CYP4F11: variants seen among roughly 807,000 people sequenced by gnomAD.
CYP4F11 encodes the protein cytochrome P450 family 4 subfamily F member 11.
Under a neutral mutation model 62.2 loss-of-function variants are expected in CYP4F11, and 79 were observed. The ratio of observed to expected loss-of-function variants is 1.27; its 90% CI spans 1.06 to 1.53. CYP4F11 has a LOEUF of 1.53. Ranked by LOEUF, CYP4F11 falls within the 40% of genes most tolerant of loss-of-function variation. The probability of loss-of-function intolerance (pLI) is 0.00; values close to 1 mark genes in which losing one functional copy is unlikely to be tolerated. For synonymous variants in CYP4F11, 290 were observed against 263.7 expected (o/e 1.10, Z -0.97); for missense variants, 777 against 680.5 (o/e 1.14, Z -1.58).
Position 15,912,771 on chromosome 19 carries a change from G to GTGTATA in CYP4F11, c.*960_*961insTATACA, listed in dbSNP as rs1555776620. The GTGTATA allele has an allele frequency of 1.2e-3, 35 of 28,082 alleles. 5 individuals are homozygous for GTGTATA. Among genetic ancestry groups the GTGTATA allele is most frequent in the African/African-American group, 4.2e-3 (33 of 7,772 alleles). The allele number at this position is 28,082 out of a possible 1,614,324, so 1.7% of individuals were successfully genotyped here. On this transcript the variant is annotated 3_prime_UTR_variant, in exon 12 of 12. Coordinates refer to ENST00000402119, the MANE Select transcript of CYP4F11 (RefSeq NM_021187.4). ...TGTGTGTGTGTGTGTGTGTGTGTGTGTATATATATATATATATAATATATA... is the reference window on the plus strand; with the variant it reads ...TGTGTGTGTGTGTGTGTGTGTGTGTGTGTATATATATATATATATATATAATATATA...
At chr19:15,925,758 A>ACACACC (rs908914243) in intron 4 of CYP4F11, among the ~76,000 whole-genome samples, 1 of 148,788 alleles carries the variant, frequency 6.7e-6, no homozygotes, top group Non-Finnish European at 1.5e-5. Context: ...ACACACACAC[A>ACACACC]CCCTGTAGTT....
At chr19:15,924,654 A>G in intron 5 of CYP4F11, 107 bp downstream of exon 5, 1 of 1,342,278 alleles carries the variant, frequency 7.5e-7, no homozygotes, top group Non-Finnish European at 1.0e-6. Context: ...TGACACACAG[A>G]AAGTGCCTTC....
intron 6 of CYP4F11, among the ~76,000 whole-genome samples, chr19:15,923,555 G>T (rs2145047560): frequency 6.6e-6 from 1 of 152,284 alleles, no homozygotes; most frequent in Non-Finnish European, 1.5e-5. Flanking sequence ...GACATAGATA[G>T]ATATGCATAA....
chr19:15,914,421 G>A (rs367903422), intron 10 of CYP4F11, 34 bp from the exon 11 acceptor site: 62 of 1,599,618 alleles, frequency 3.9e-5, no homozygotes, highest in Middle Eastern at 1.7e-4. Flanking sequence ...TGCTGGGTGG[G>A]GTCACCCAGT....
At chr19:15,930,727 G>C (rs12980517) in intron 1 of CYP4F11, among the ~76,000 whole-genome samples, 1 of 151,952 alleles carries the variant, frequency 6.6e-6, no homozygotes, top group Non-Finnish European at 1.5e-5. Flanking sequence ...GGAAAAGTCC[G>C]CATGGAAGGA....
chr19:15,934,590 C>A, upstream of CYP4F11: 1 of 663,464 alleles, frequency 1.5e-6, no homozygotes, highest in Non-Finnish European at 2.4e-6. Flanking sequence ...AACCAGCAGC[C>A]AAGTGGCCTC....
At chr19:15,917,597 T>C (rs2089592838) in intron 8 of CYP4F11, among the ~76,000 whole-genome samples, 1 of 152,116 alleles carries the variant, frequency 6.6e-6, no homozygotes, top group Non-Finnish European at 1.5e-5. Flanking sequence ...AATGGATGGA[T>C]AGTACAGCTA....
In CYP4F11 at chr19:15,934,320, A is replaced by G. The variant is rs1459449635; in HGVS notation, c.89T>C (p.Leu30Pro). Residue 30 changes from leucine to proline, a missense_variant, in exon 1 of 12, where the codon CTC (leucine) becomes CCC (proline). Coordinates refer to ENST00000402119, the MANE Select transcript of CYP4F11 (RefSeq NM_021187.4). ...GGTCCAGGCCAGGACGCGGGCCAGG[A>G]GCCAGGAGCCTCCAACCAGCAGCAG... is the stretch of plus-strand genomic sequence containing the variant. ...LLLLLVGGSW[L>P]LARVLAWTYT... is the part of the protein sequence containing the mutation. 1 of 1,613,210 alleles carries G rather than the reference A, an allele frequency of 6.2e-7. No individual in the cohort carries two copies. Among genetic ancestry groups the G allele is most frequent in the Non-Finnish European group, 8.5e-7 (1 of 1,179,646 alleles).
chr19:15,914,749 A>C lies in CYP4F11; in HGVS notation c.1249+13T>G, dbSNP rs1267930257. 5 of 1,614,022 alleles carry C rather than the reference A, an allele frequency of 3.1e-6. No homozygotes were observed. Among genetic ancestry groups the C allele is most frequent in the Non-Finnish European group, 4.2e-6 (5 of 1,179,896 alleles). Reference sequence around the variant, plus strand: ...GCTACCCAGGAGGCTCCTCCCCCTGAGGCTGTGAGCACCTTTGGGGATGAC... The same window carrying C: ...GCTACCCAGGAGGCTCCTCCCCCTGCGGCTGTGAGCACCTTTGGGGATGAC... On this transcript the variant is annotated intron_variant, in intron 9 of 11. Coordinates refer to ENST00000402119, the MANE Select transcript of CYP4F11 (RefSeq NM_021187.4).
rs1568257497 is a variant in CYP4F11 at position 15,931,616 on chromosome 19, GTGAGCGAGGAGAGGAA to G, written c.199-2031_199-2016del. 9.8e-4 allele frequency among the ~76,000 whole-genome samples: 90 copies of G among 91,786 alleles called. 6 individuals are homozygous for G. The highest frequency in any genetic ancestry group is 1.2e-3 in the Admixed American group (12 of 9,636). 60.2% of individuals were successfully genotyped at this position (91,786 alleles called of 152,430 possible). A position where few individuals can be genotyped will look rare whatever the true frequency, so the allele number is the denominator to read the frequency against. On this transcript the variant is annotated intron_variant, in intron 1 of 11. Coordinates refer to ENST00000402119, the MANE Select transcript of CYP4F11 (RefSeq NM_021187.4). ...AATGAGTGAGTGAGGAGAGGAATGA[GTGAGCGAGGAGAGGAA>G]TGAGTGAGCGAGGAGAGGAATGAGT...
At chr19:15,920,204 T>C (rs1218681969) in intron 8 of CYP4F11, among the ~76,000 whole-genome samples, 2 of 152,150 alleles carry the variant, frequency 1.3e-5, no homozygotes, top group African/African-American at 2.4e-5. Flanking sequence ...AATTTGTCAA[T>C]TAAAAATAAA....
In CYP4F11 at chr19:15,931,565, G is replaced by C. The variant is rs952709258; in HGVS notation, c.199-1964C>G. ...GCGGGGAGAGGAATGAGTGAGCGAG[G>C]AGAGGAATGAGTGAGCGAGGAGAGG... On this transcript the variant is annotated intron_variant, in intron 1 of 11. Coordinates refer to ENST00000402119, the MANE Select transcript of CYP4F11 (RefSeq NM_021187.4). Among the ~76,000 whole-genome samples, 562 of 109,256 alleles carry C rather than the reference G, an allele frequency of 5.1e-3. 16 individuals carry two copies. The highest frequency in any genetic ancestry group is 6.7e-3 in the Non-Finnish European group (331 of 49,232). The allele number at this position is 109,256 out of a possible 152,430, so 71.7% of individuals were successfully genotyped here.
At chr19:15,927,123 C>A in intron 4 of CYP4F11, 89 bp downstream of exon 4, 1 of 1,491,878 alleles carries the variant, frequency 6.7e-7, no homozygotes, top group Non-Finnish European at 9.1e-7. Context: ...AGCATTGTCC[C>A]CAAAGCACAA....
chr19:15,920,009 T>C (rs2089613523), intron 8 of CYP4F11, among the ~76,000 whole-genome samples: 1 of 152,162 alleles, frequency 6.6e-6, no homozygotes. Context: ...ATTATATGCA[T>C]GGTGACTACA....
At position 15,925,277 on chromosome 19, in the gene CYP4F11, C is replaced by T. The variant is rs553322217; in HGVS notation, c.526-395G>A. Among the ~76,000 whole-genome samples, 11 of 152,250 alleles carry T rather than the reference C, an allele frequency of 7.2e-5. No individual in the cohort carries two copies. The South Asian group carries it at 1.5e-3, about 20-fold the overall frequency. ...CTATCTGGTTGAACTTTGGCAAACT[C>T]CCTAATCTCTCTGGACCTCAGTTTC... is the stretch of plus-strand genomic sequence containing the variant. On this transcript the variant is annotated intron_variant, in intron 4 of 11. Coordinates refer to ENST00000402119, the MANE Select transcript of CYP4F11 (RefSeq NM_021187.4).
chr19:15,927,388 C>T (rs148593440), intron 3 of CYP4F11, 42 bp downstream of exon 3: 1 of 1,613,976 alleles, frequency 6.2e-7, no homozygotes, highest in Non-Finnish European at 8.5e-7. Flanking sequence ...CCTCCCTTAT[C>T]CCTAAAGGAT....
At chr19:15,920,840 C>CATCT (rs1440276646) in intron 8 of CYP4F11, among the ~76,000 whole-genome samples, 6 of 152,118 alleles carry the variant, frequency 3.9e-5, no homozygotes, top group South Asian at 2.1e-4. Flanking sequence ...CCAGGTTCAT[C>CATCT]ATCTCATCAT....
chr19:15,922,550 G>T, intron 6 of CYP4F11, 120 bp from the exon 7 acceptor site: 3 of 1,032,918 alleles, frequency 2.9e-6, no homozygotes, highest in South Asian at 1.4e-5. Flanking sequence ...AGCCCATCAT[G>T]CACTCCTAGA....
chr19:15,918,948 C>A (rs951279201), intron 8 of CYP4F11, among the ~76,000 whole-genome samples: 37 of 139,344 alleles, frequency 2.7e-4, no homozygotes, highest in Admixed American at 5.0e-4. Context: ...AAAAAAAAAA[C>A]AGCTGTAAGA....
Sources: allele counts gnomAD v4.1 joint callset (sites outside exome capture counted in the v4.1 genomes callset), GRCh38; gene constraint gnomAD v4.1.1; transcripts MANE v1.5; gene names NCBI Gene and HGNC (gene_info 2026-07-23, HGNC 2026-07-21).